Variants in PPP1R16B observed in about 807,000 individuals in gnomAD.
The protein encoded by PPP1R16B is protein phosphatase 1 regulatory subunit 16B.
PPP1R16B carries 14 observed loss-of-function variants against 61.7 expected under a neutral mutation model. The observed-to-expected ratio is 0.23, with a 90% confidence interval of 0.15 to 0.35. The LOEUF is 0.35. Among genes scored for constraint, PPP1R16B ranks in the 10% least tolerant of loss-of-function variants. PPP1R16B has a pLI of 1.00. For missense variants in PPP1R16B, 547 were observed against 752.5 expected, an observed-to-expected ratio of 0.73 and a Z score of 3.19; for synonymous variants, 266 against 305.3, an observed-to-expected ratio of 0.87 and a Z score of 1.34.
chr20:38,859,666 A>T (rs766584116), intron 2 of PPP1R16B, among the ~76,000 whole-genome samples: 33 of 151,748 alleles, frequency 2.2e-4, no homozygotes, highest in Non-Finnish European at 3.7e-4. Context: ...TGATTTTTAA[A>T]TTTTTTGTAG....
At position 38,907,697 on chromosome 20, in the gene PPP1R16B, T is replaced by C. The variant is rs938078467; in HGVS notation, c.899-109T>C. On this transcript the variant is annotated intron_variant, in intron 8 of 10. Transcript: ENST00000299824. This position sits in a 1 kb window ranked among gnomAD's most constrained non-coding sequence, Gnocchi z 4.5. ...TTGCCTCCCTGCATGCCCTGAAAGA[T>C]GCTTGGAGTTTTCAGTGGGTTGGGG... 17 of 1,414,716 alleles carry C rather than the reference T, an allele frequency of 1.2e-5. No individual in the cohort carries two copies. Among genetic ancestry groups the C allele is most frequent in the Non-Finnish European group, 1.5e-5 (15 of 1,030,464 alleles). 87.6% of individuals were successfully genotyped at this position (1,414,716 alleles called of 1,614,324 possible).
At chr20:38,824,196 A>C (rs1916243298) in intron 1 of PPP1R16B, among the ~76,000 whole-genome samples, 1 of 152,226 alleles carries the variant, frequency 6.6e-6, no homozygotes, top group East Asian at 1.9e-4. Flanking sequence ...TGGACACAGA[A>C]GCTGCCATGA....
chr20:38,806,562 G>T lies in PPP1R16B; in HGVS notation c.-102+770G>T, dbSNP rs1272567027. Among the ~76,000 whole-genome samples, 2 of 152,128 alleles carry T rather than the reference G, an allele frequency of 1.3e-5. No individual in the cohort carries two copies. Among genetic ancestry groups the T allele is most frequent in the Admixed American group, 1.3e-4 (2 of 15,290 alleles). ...CCGGGCGCCGAGGATGGGCGGAGAC[G>T]TGCAGCCGCCCCTGAGAGGTCGCCC... On this transcript the variant is annotated intron_variant, in intron 1 of 10. Coordinates refer to ENST00000299824, the MANE Select transcript of PPP1R16B (RefSeq NM_015568.4). The surrounding 1 kb of genome is among the most constrained non-coding windows in gnomAD (Gnocchi z 4.5).
At chr20:38,848,385 C>T (rs1487271900) in intron 2 of PPP1R16B, among the ~76,000 whole-genome samples, 2 of 152,128 alleles carry the variant, frequency 1.3e-5, no homozygotes, top group East Asian at 3.8e-4. Flanking sequence ...TTTGTGAGGC[C>T]ACCCTTGTAC....
intron 10 of PPP1R16B, among the ~76,000 whole-genome samples, chr20:38,916,693 G>A (rs2085544053): frequency 6.6e-6 from 1 of 151,688 alleles, no homozygotes; most frequent in Non-Finnish European, 1.5e-5. Flanking sequence ...GAAGAGCTGG[G>A]GAGAGAAGAA....
chr20:38,812,648 T>A (rs1326103006), intron 1 of PPP1R16B, among the ~76,000 whole-genome samples: 5 of 152,250 alleles, frequency 3.3e-5, no homozygotes, highest in African/African-American at 1.2e-4. Context: ...TGGGAAGGTT[T>A]ATTTTAATAT....
At chr20:38,904,795 C>T (rs192380710) in intron 6 of PPP1R16B, among the ~76,000 whole-genome samples, 8 of 152,294 alleles carry the variant, frequency 5.3e-5, no homozygotes, top group East Asian at 3.9e-4. Flanking sequence ...CTCAGGCCCC[C>T]GAGGTTCTCT....
rs765939503 is a variant in PPP1R16B at position 38,836,154 on chromosome 20, C to G, written c.229C>G (p.Leu77Val). 1.2e-6 allele frequency: 2 copies of G among 1,611,050 alleles called. No individual in the cohort carries two copies. Among genetic ancestry groups the G allele is most frequent in the Non-Finnish European group, 8.5e-7 (1 of 1,179,406 alleles). ...EASVALLEASLRNDAEEVRYF... is the reference protein window; with the variant it reads ...EASVALLEASVRNDAEEVRYF... ...CAGCGTGGCCCTGCTGGAGGCCTCG[C>G]TGAGGAACGACGCCGAGGAAGGTAG... The change falls in exon 2 of 11, where the codon CTG becomes GTG. Residue 77 changes from leucine to valine, a missense_variant. Physicochemically the swap from Leu to Val is conservative, Grantham distance 32. Coordinates refer to ENST00000299824, the MANE Select transcript of PPP1R16B (RefSeq NM_015568.4).
intron 2 of PPP1R16B, among the ~76,000 whole-genome samples, chr20:38,852,327 C>T (rs75981312): frequency 0.028 from 4,219 of 152,254 alleles, 72 homozygotes; most frequent in Non-Finnish European, 0.041. Flanking sequence ...ATGAGTTGAC[C>T]GTGCTTAACT....
chr20:38,841,143 A>G (rs966258530), intron 2 of PPP1R16B, among the ~76,000 whole-genome samples: 2 of 152,072 alleles, frequency 1.3e-5, no homozygotes, highest in African/African-American at 4.8e-5. Context: ...CAGTTTACAT[A>G]TTATAAAATT....
intron 4 of PPP1R16B, among the ~76,000 whole-genome samples, chr20:38,896,276 C>G (rs897118065): frequency 7.1e-6 from 1 of 140,654 alleles, no homozygotes; most frequent in Admixed American, 7.5e-5. Flanking sequence ...CTTCTTTCTT[C>G]CCTTCCTCCT....
chr20:38,915,541 A>T (rs2145787142), intron 10 of PPP1R16B, among the ~76,000 whole-genome samples: 1 of 152,232 alleles, frequency 6.6e-6, no homozygotes, highest in African/African-American at 2.4e-5. Context: ...GCTGGAGTGC[A>T]GTTGTGCAAT....
intron 1 of PPP1R16B, among the ~76,000 whole-genome samples, chr20:38,816,962 C>T (rs894447784): frequency 6.6e-6 from 1 of 152,192 alleles, no homozygotes; most frequent in Non-Finnish European, 1.5e-5. Context: ...GTCAAAGGAC[C>T]ACTCTCTCAT....
intron 2 of PPP1R16B, among the ~76,000 whole-genome samples, chr20:38,851,800 C>A (rs2084970727): frequency 6.6e-6 from 1 of 152,236 alleles, no homozygotes; most frequent in Non-Finnish European, 1.5e-5. Flanking sequence ...ACAGGAGGAT[C>A]ACTTGAGACC....
chr20:38,850,378 T>C (rs2084960508), intron 2 of PPP1R16B, among the ~76,000 whole-genome samples: 1 of 152,158 alleles, frequency 6.6e-6, no homozygotes, highest in Admixed American at 6.5e-5. Context: ...GGATGATATT[T>C]CCAGAAGGAG....
At chr20:38,906,240 AG>A in intron 7 of PPP1R16B, 146 bp downstream of exon 7, 1 of 629,572 alleles carries the variant, frequency 1.6e-6, no homozygotes, top group Non-Finnish European at 2.3e-6. Context: ...GGATATGAAA[AG>A]GCCTAGGGAG....
At chr20:38,872,342 G>A (rs1214814818) in intron 2 of PPP1R16B, among the ~76,000 whole-genome samples, 2 of 152,170 alleles carry the variant, frequency 1.3e-5, no homozygotes, top group Non-Finnish European at 2.9e-5. Context: ...CGTCTGTCTG[G>A]TTCACTGCTG....
chr20:38,871,591 A>G (rs1601277717), intron 2 of PPP1R16B, among the ~76,000 whole-genome samples: 2 of 102,660 alleles, frequency 1.9e-5, no homozygotes, highest in Middle Eastern at 5.4e-3. Flanking sequence ...GAACGAAGGG[A>G]GGGAGGGAGG....
At chr20:38,828,712 C>T (rs2084818868) in intron 1 of PPP1R16B, among the ~76,000 whole-genome samples, 1 of 152,172 alleles carries the variant, frequency 6.6e-6, no homozygotes, top group Non-Finnish European at 1.5e-5. Flanking sequence ...AGGACACGTG[C>T]CTAGCCTCAA....
Sources: gnomAD v4.1 joint callset for allele counts (sites outside exome capture counted in the v4.1 genomes callset) on GRCh38, gnomAD v4.1.1 for gene constraint, Gnocchi (gnomAD v3.1) non-coding constraint, MANE v1.5 for transcripts, NCBI Gene and HGNC (gene_info 2026-07-23, HGNC 2026-07-21) for gene names.